CELF2: variants seen among roughly 807,000 people sequenced by gnomAD.
The protein encoded by CELF2 is CUG triplet repeat RNA-binding protein 2.
A neutral mutation model predicts 62.6 loss-of-function variants in CELF2; 8 were observed. The ratio of observed to expected loss-of-function variants is 0.13; its 90% CI spans 0.07 to 0.23. CELF2 has a LOEUF of 0.23. CELF2 is among the 10% of genes least tolerant of loss of function. The pLI is 1.00. For synonymous variants in CELF2, 258 were observed against 250.0 expected, an observed-to-expected ratio of 1.03 and a Z score of -0.30; for missense variants, 333 against 671.0, an observed-to-expected ratio of 0.50 and a Z score of 5.56.
At position 11,302,169 on chromosome 10, in the gene CELF2, GC is replaced by G; in HGVS notation, c.977-11967del. The stretch of plus-strand genomic sequence containing the variant: ...AGTTTTTGACTCTGGGTTCCTTGGT[GC>G]CCAGTGACTGTTGCCCTTTCCTGTC... On this transcript the variant is annotated intron_variant, in intron 9 of 12. Transcript: ENST00000633077. This position sits in a 1 kb window ranked among gnomAD's most constrained non-coding sequence, Gnocchi z 5.0. Among the ~76,000 whole-genome samples the G allele has an allele frequency of 6.6e-6, 1 of 152,172 alleles. No homozygotes were observed. The highest frequency in any genetic ancestry group is 1.5e-5 in the Non-Finnish European group (1 of 68,026).
Position 11,268,406 on chromosome 10 carries a change from C to A in CELF2, c.618+1729C>A, listed in dbSNP as rs546045412. On this transcript the variant is annotated intron_variant, in intron 6 of 12. Transcript: ENST00000633077. This position sits in a 1 kb window ranked among gnomAD's most constrained non-coding sequence, Gnocchi z 4.7. ...ACGATCCCCATTCCTTCCCTTGGAG[C>A]CCCCCCAGTAATGCTCAGAGAGCCA... Among the ~76,000 whole-genome samples, 1 of 151,932 alleles carries A rather than the reference C, an allele frequency of 6.6e-6. No homozygotes were observed. The highest frequency in any genetic ancestry group is 1.5e-5 in the Non-Finnish European group (1 of 67,960).
At chr10:11,158,618 T>A (rs1013050193) in intron 1 of CELF2, among the ~76,000 whole-genome samples, 2 of 152,128 alleles carry the variant, frequency 1.3e-5, no homozygotes, top group African/African-American at 2.4e-5. Context: ...TGTCTCCAAA[T>A]TTACTTCTTT....
At position 10,957,342 on chromosome 10, in the gene CELF2, G is replaced by T. The variant is rs1165480826; in HGVS notation, c.89+37343G>T. Among the ~76,000 whole-genome samples, 1 of 152,172 alleles carries T rather than the reference G, an allele frequency of 6.6e-6. No individual in the cohort carries two copies. The highest frequency in any genetic ancestry group is 2.4e-5 in the African/African-American group (1 of 41,432). On this transcript the variant is annotated intron_variant, in intron 2 of 13. Coordinates refer to the CELF2 transcript ENST00000636488. The surrounding 1 kb of genome is among the most constrained non-coding windows in gnomAD (Gnocchi z 4.1). Reference sequence around the variant, plus strand: ...GTGATTGAATTAACATTCTCTTTGTGCATGTGTCTCCTCTGGGATTCATTC... The same window carrying T: ...GTGATTGAATTAACATTCTCTTTGTTCATGTGTCTCCTCTGGGATTCATTC...
At chr10:10,558,661 G>A in the CELF2 span, among the ~76,000 whole-genome samples, 2 of 151,970 alleles carry the variant, frequency 1.3e-5, no homozygotes, top group African/African-American at 2.4e-5. Flanking sequence ...AATCCATCTG[G>A]TCCTGGACTC....
the CELF2 span, among the ~76,000 whole-genome samples, chr10:10,565,449 A>G: frequency 9.9e-5 from 15 of 152,232 alleles, no homozygotes. Context: ...ATGAATAGGA[A>G]GAGGGGCTTC....
At chr10:11,028,069 A>C (rs555369713) in intron 1 of CELF2, among the ~76,000 whole-genome samples, 1 of 152,228 alleles carries the variant, frequency 6.6e-6, no homozygotes. Flanking sequence ...CCCATAAAGC[A>C]TTGTTGCTCC....
At chr10:10,578,455 G>A in the CELF2 span, among the ~76,000 whole-genome samples, 1 of 152,090 alleles carries the variant, frequency 6.6e-6, no homozygotes, top group Non-Finnish European at 1.5e-5. Flanking sequence ...GTCCTGAATG[G>A]TGTTGCTTAG....
intron 2 of CELF2, among the ~76,000 whole-genome samples, chr10:11,201,140 G>T (rs1195847055): frequency 6.6e-6 from 1 of 152,178 alleles, no homozygotes; most frequent in Non-Finnish European, 1.5e-5. Context: ...CATTTTTCTT[G>T]TAGCTGTGTT....
the CELF2 span, among the ~76,000 whole-genome samples, chr10:10,779,395 G>A: frequency 1.2e-4 from 18 of 152,166 alleles, no homozygotes; most frequent in Non-Finnish European, 1.6e-4. Flanking sequence ...AGCCAGGGCC[G>A]GATCAGAGGA....
intron 1 of CELF2, among the ~76,000 whole-genome samples, chr10:11,151,383 G>C (rs1263481105): frequency 1.3e-5 from 2 of 152,204 alleles, no homozygotes; most frequent in Non-Finnish European, 2.9e-5. Context: ...AGACGAGGGA[G>C]TGTGTGAGTC....
intron 1 of CELF2, among the ~76,000 whole-genome samples, chr10:11,153,337 C>T (rs2063693260): frequency 6.6e-6 from 1 of 152,156 alleles, no homozygotes; most frequent in African/African-American, 2.4e-5. Flanking sequence ...ACCGAAGCTT[C>T]ATTAACACCG....
the CELF2 span, among the ~76,000 whole-genome samples, chr10:10,667,878 C>T: frequency 6.6e-6 from 1 of 152,180 alleles, no homozygotes. Flanking sequence ...TTTTACCATG[C>T]AAACAAACCC....
At chr10:10,829,912 T>C (rs1590898587) in intron 1 of CELF2, among the ~76,000 whole-genome samples, 1 of 152,158 alleles carries the variant, frequency 6.6e-6, no homozygotes, top group South Asian at 2.1e-4. Context: ...ACTGATGTCA[T>C]CTCATTTTTA....
chr10:10,627,930 T>G, the CELF2 span, among the ~76,000 whole-genome samples: 1 of 152,112 alleles, frequency 6.6e-6, no homozygotes, highest in African/African-American at 2.4e-5. Context: ...TGAGATAGAG[T>G]CTCGCTCTGT....
intron 1 of CELF2, among the ~76,000 whole-genome samples, chr10:11,007,396 T>A (rs978008079): frequency 1.3e-5 from 2 of 152,212 alleles, no homozygotes; most frequent in African/African-American, 4.8e-5. Context: ...TTACAAAAAA[T>A]TTTAATACAG....
chr10:10,672,409 A>G, the CELF2 span, among the ~76,000 whole-genome samples: 1 of 150,772 alleles, frequency 6.6e-6, no homozygotes, highest in African/African-American at 2.4e-5. Context: ...TAGGAGTTTT[A>G]TAATTTTGCA....
intron 1 of CELF2, among the ~76,000 whole-genome samples, chr10:11,135,046 T>A (rs796904684): frequency 6.6e-6 from 1 of 152,168 alleles, no homozygotes; most frequent in East Asian, 1.9e-4. Flanking sequence ...AGGTTAGTCT[T>A]GTAGATGGGT....
the CELF2 span, among the ~76,000 whole-genome samples, chr10:10,553,048 A>G: frequency 5.3e-5 from 8 of 152,272 alleles, no homozygotes; most frequent in East Asian, 3.9e-4. Context: ...CTGCTAATAA[A>G]GACATACCAA....
At chr10:11,108,604 G>T (rs2054299948) in intron 1 of CELF2, among the ~76,000 whole-genome samples, 1 of 152,116 alleles carries the variant, frequency 6.6e-6, no homozygotes, top group African/African-American at 2.4e-5. Flanking sequence ...GAGGCTGCAG[G>T]GCGCAAGCAC....
Sources: allele counts gnomAD v4.1 joint callset (sites outside exome capture counted in the v4.1 genomes callset), GRCh38; gene constraint gnomAD v4.1.1; non-coding constraint Gnocchi (gnomAD v3.1); transcripts MANE v1.5; gene names NCBI Gene and HGNC (gene_info 2026-07-23, HGNC 2026-07-21).